CCND3: variants seen among roughly 807,000 people sequenced by gnomAD.
CCND3 encodes G1/S-specific cyclin-D3.
In CCND3, 9 loss-of-function variants were observed where a neutral mutation model predicts 28.7. The ratio of observed to expected loss-of-function variants is 0.31; its 90% CI spans 0.19 to 0.55. The LOEUF is 0.55. CCND3 is among the 20% of genes least tolerant of loss of function. CCND3 has a pLI of 0.93. For synonymous variants in CCND3, 164 were observed against 163.9 expected, an observed-to-expected ratio of 1.00 and a Z score of 0.00; for missense variants, 315 against 385.8, an observed-to-expected ratio of 0.82 and a Z score of 1.54.
At chr6:42,005,894 A>G (rs1173109761) in intron 1 of CCND3, among the ~76,000 whole-genome samples, 1 of 152,074 alleles carries the variant, frequency 6.6e-6, no homozygotes, top group Non-Finnish European at 1.5e-5. Flanking sequence ...CATGTTGGCC[A>G]GGCTAGTCGA....
At chr6:41,989,182 G>A (rs1440771782) in intron 1 of CCND3, among the ~76,000 whole-genome samples, 1 of 151,942 alleles carries the variant, frequency 6.6e-6, no homozygotes, top group East Asian at 1.9e-4. Flanking sequence ...AAACAACCTG[G>A]GCACTGTGGC....
chr6:42,011,052 G>C (rs1004616540), intron 1 of CCND3: 1 of 151,864 alleles, frequency 6.6e-6, no homozygotes. Context: ...AGTGATTCTT[G>C]AATCTGTAAG....
chr6:42,015,734 C>A (rs907171226), intron 1 of CCND3, among the ~76,000 whole-genome samples: 4 of 151,292 alleles, frequency 2.6e-5, no homozygotes, highest in Non-Finnish European at 5.9e-5. Context: ...AAAGTTATGT[C>A]TTTTTAAATT....
chr6:41,956,567 A>T (rs1776441398), intron 1 of CCND3, among the ~76,000 whole-genome samples: 1 of 152,186 alleles, frequency 6.6e-6, no homozygotes, highest in African/African-American at 2.4e-5. Flanking sequence ...CAGATTTTAA[A>T]CCCTTTACAG....
At chr6:41,975,834 C>A (rs751397914) in intron 1 of CCND3, among the ~76,000 whole-genome samples, 2 of 151,210 alleles carry the variant, frequency 1.3e-5, no homozygotes, top group African/African-American at 2.4e-5. Flanking sequence ...TGATTGGAAG[C>A]CATTCTGTTT....
At chr6:42,020,256 T>C (rs9394850) in intron 1 of CCND3, among the ~76,000 whole-genome samples, 80,092 of 151,822 alleles carry the variant, frequency 0.53, 21,193 homozygotes, top group East Asian at 0.59. Context: ...CACTCCAGCC[T>C]GGGCGGCAGA....
At chr6:41,967,409 C>A in intron 1 of CCND3, among the ~76,000 whole-genome samples, 1 of 152,228 alleles carries the variant, frequency 6.6e-6, no homozygotes, top group East Asian at 1.9e-4. Context: ...GGATTTGATT[C>A]CTACCTCTGT....
chr6:41,956,746 T>C (rs1776446163), intron 1 of CCND3, among the ~76,000 whole-genome samples: 1 of 151,962 alleles, frequency 6.6e-6, no homozygotes, highest in Non-Finnish European at 1.5e-5. Context: ...AAAACAATGG[T>C]GGCCAGGCGC....
rs551723975 is a variant in CCND3, at chr6:42,027,893, T to A, written c.-46+20608A>T. On this transcript the variant is annotated intron_variant, in intron 1 of 4. Transcript: ENST00000372988. ...CTCCCAAGTAGCTGGGATTACAGGC[T>A]CCTGCCACCACACCCGGCTAATTTT... 2.1e-3 allele frequency among the ~76,000 whole-genome samples: 318 copies of A among 152,100 alleles called. 9 individuals carry two copies. The East Asian group carries it at 0.054, about 26-fold the overall frequency.
Position 41,936,474 on chromosome 6 carries a change from G to C in CCND3, c.711+85C>G. The stretch of plus-strand genomic sequence containing the variant: ...AACCAGGACTTGGGACCAGGTTGGG[G>C]TTGGAGGTTTCCCTCTACTGGAGGC... On this transcript the variant is annotated intron_variant, in intron 4 of 4. Coordinates refer to ENST00000372991, the MANE Select transcript of CCND3 (RefSeq NM_001760.5). The surrounding 1 kb of genome is among the most constrained non-coding windows in gnomAD (Gnocchi z 4.4). The C allele has an allele frequency of 6.7e-7, 1 of 1,493,394 alleles. No homozygotes were observed. Among genetic ancestry groups the C allele is most frequent in the Non-Finnish European group, 9.2e-7 (1 of 1,089,216 alleles). 92.5% of individuals were successfully genotyped at this position (1,493,394 alleles called of 1,614,324 possible). A position where few individuals can be genotyped will look rare whatever the true frequency, so the allele number is the denominator to read the frequency against.
At chr6:41,981,455 G>A (rs1388973762) in intron 1 of CCND3, among the ~76,000 whole-genome samples, 1 of 151,442 alleles carries the variant, frequency 6.6e-6, no homozygotes, top group Admixed American at 6.6e-5. Context: ...CACCTGCTTC[G>A]GCCTCTGGAA....
intron 1 of CCND3, among the ~76,000 whole-genome samples, chr6:41,972,890 A>T (rs911589207): frequency 6.8e-6 from 1 of 146,288 alleles, no homozygotes; most frequent in Non-Finnish European, 1.5e-5. Context: ...TTTAAAAATT[A>T]AAAATATATA....
chr6:41,975,302 C>T (rs1052643567), intron 1 of CCND3, among the ~76,000 whole-genome samples: 1 of 152,094 alleles, frequency 6.6e-6, no homozygotes, highest in Admixed American at 6.6e-5. Flanking sequence ...GAGGTGAAAC[C>T]GTGGAGATGG....
chr6:41,956,118 C>G (rs575769238), intron 1 of CCND3, among the ~76,000 whole-genome samples: 2 of 151,980 alleles, frequency 1.3e-5, no homozygotes, highest in African/African-American at 4.8e-5. Context: ...ATGGTGAAAC[C>G]CTGTCTCTAC....
At chr6:42,049,319 G>C (rs375153237), upstream of CCND3, among the ~76,000 whole-genome samples, 1 of 152,180 alleles carries the variant, frequency 6.6e-6, no homozygotes. Flanking sequence ...TTACAGGCGA[G>C]AGCCACCGCG....
At chr6:42,009,650 CA>C (rs1363574067) in intron 1 of CCND3, among the ~76,000 whole-genome samples, 6 of 127,436 alleles carry the variant, frequency 4.7e-5, no homozygotes, top group Non-Finnish European at 1.1e-4. Context: ...CAAAAACACA[CA>C]AAAAAATTAG....
At chr6:42,044,356 A>G (rs946713464) in intron 1 of CCND3, among the ~76,000 whole-genome samples, 3 of 152,206 alleles carry the variant, frequency 2.0e-5, no homozygotes, top group Non-Finnish European at 4.4e-5. Context: ...CATTCACCCA[A>G]TCCAGTCACC....
At chr6:41,959,695 C>T (rs1205387185) in intron 1 of CCND3, among the ~76,000 whole-genome samples, 2 of 130,358 alleles carry the variant, frequency 1.5e-5, no homozygotes, top group South Asian at 2.7e-4. Context: ...AGGCCAGGCG[C>T]GGTGGCTCAC....
intron 1 of CCND3, among the ~76,000 whole-genome samples, chr6:41,952,388 A>G (rs1007952583): frequency 1.3e-5 from 2 of 152,210 alleles, no homozygotes; most frequent in African/African-American, 4.8e-5. Context: ...ACCATGGTGG[A>G]CAAATGGAGC....
Sources: allele counts gnomAD v4.1 joint callset (sites outside exome capture counted in the v4.1 genomes callset), GRCh38; gene constraint gnomAD v4.1.1; non-coding constraint Gnocchi (gnomAD v3.1); transcripts MANE v1.5; gene names NCBI Gene and HGNC (gene_info 2026-07-23, HGNC 2026-07-21).